Variants in DPP10 observed in about 807,000 individuals in gnomAD.
The protein encoded by DPP10 is dipeptidyl peptidase like 10.
A neutral mutation model predicts 120.9 loss-of-function variants in DPP10; 33 were observed. That is an observed-to-expected ratio of 0.27 (90% confidence interval 0.21 to 0.37). The LOEUF (loss-of-function observed/expected upper bound fraction) is 0.37, where lower values mean the gene tolerates loss of function less well. Among genes scored for constraint, DPP10 ranks in the 10% least tolerant of loss-of-function variants. DPP10 has a pLI of 1.00. For missense variants in DPP10, 816 were observed against 942.8 expected, an observed-to-expected ratio of 0.87 and a Z score of 1.76; for synonymous variants, 337 against 326.1, an observed-to-expected ratio of 1.03 and a Z score of -0.36.
chr2:115,204,708 C>T (rs2055998141), intron 1 of DPP10, among the ~76,000 whole-genome samples: 1 of 152,166 alleles, frequency 6.6e-6, no homozygotes, highest in African/African-American at 2.4e-5. Context: ...TTTCATCTGT[C>T]TGCCTGTTCT....
chr2:115,661,656 G>T (rs1158161106), intron 5 of DPP10, among the ~76,000 whole-genome samples: 2 of 152,170 alleles, frequency 1.3e-5, no homozygotes, highest in Non-Finnish European at 2.9e-5. Flanking sequence ...GCTTAGCCCT[G>T]ATCTGGGTTT....
chr2:115,191,372 AT>A (rs1334841290), intron 1 of DPP10, among the ~76,000 whole-genome samples: 4 of 152,222 alleles, frequency 2.6e-5, no homozygotes, highest in Admixed American at 6.5e-5. Context: ...CAGTTCACAG[AT>A]TTTTAGTCTG....
intron 5 of DPP10, among the ~76,000 whole-genome samples, chr2:115,607,723 A>G (rs1222061808): frequency 1.3e-5 from 2 of 152,144 alleles, no homozygotes; most frequent in Non-Finnish European, 2.9e-5. Context: ...ACCTATGCCT[A>G]CTACAGTACA....
chr2:115,239,816 T>C lies in DPP10; in HGVS notation c.61-69423T>C, dbSNP rs531467575. Among the ~76,000 whole-genome samples, 14 of 152,240 alleles carry C rather than the reference T, an allele frequency of 9.2e-5. No homozygotes were observed. The South Asian group carries it at 2.9e-3, about 32-fold the overall frequency. ...CCCTCCTTGTGTCCATGCGTTCTCATTGTTCAACTCCCACTAATGAGTGAG... is the reference window on the plus strand; with the variant it reads ...CCCTCCTTGTGTCCATGCGTTCTCACTGTTCAACTCCCACTAATGAGTGAG... On this transcript the variant is annotated intron_variant, in intron 1 of 25. Coordinates refer to ENST00000410059, the MANE Select transcript of DPP10 (RefSeq NM_020868.6).
chr2:114,671,716 A>G (rs1009222329), intron 1 of DPP10, among the ~76,000 whole-genome samples: 4 of 152,138 alleles, frequency 2.6e-5, no homozygotes, highest in Non-Finnish European at 4.4e-5. Flanking sequence ...GGATTTTGCC[A>G]GTAAACATAA....
chr2:114,720,707 A>G (rs574147101), intron 1 of DPP10, among the ~76,000 whole-genome samples: 85 of 152,326 alleles, frequency 5.6e-4, no homozygotes, highest in African/African-American at 1.8e-3. Flanking sequence ...GTGCTCACCC[A>G]TATCTGGTTC....
chr2:114,978,594 C>T (rs1307290225), intron 1 of DPP10, among the ~76,000 whole-genome samples: 1 of 152,070 alleles, frequency 6.6e-6, no homozygotes, highest in African/African-American at 2.4e-5. Context: ...AAATAACCAC[C>T]TTGTCTCTTT....
At chr2:114,685,312 C>T (rs1378501211) in intron 1 of DPP10, among the ~76,000 whole-genome samples, 1 of 150,706 alleles carries the variant, frequency 6.6e-6, no homozygotes, top group Non-Finnish European at 1.5e-5. Context: ...AGCTGTACCC[C>T]ATGCTGGGAT....
chr2:114,757,802 C>T (rs984782339), intron 1 of DPP10, among the ~76,000 whole-genome samples: 5 of 152,122 alleles, frequency 3.3e-5, no homozygotes, highest in Non-Finnish European at 7.3e-5. Flanking sequence ...AGCGTTTCCA[C>T]GTGTTTCCGA....
intron 1 of DPP10, among the ~76,000 whole-genome samples, chr2:114,919,781 T>G (rs1353393183): frequency 6.6e-6 from 1 of 152,204 alleles, no homozygotes; most frequent in Non-Finnish European, 1.5e-5. Context: ...TCATTTGATT[T>G]ATTGTGTAGT....
intron 1 of DPP10, among the ~76,000 whole-genome samples, chr2:115,124,758 C>T (rs534816961): frequency 1.3e-5 from 2 of 152,084 alleles, no homozygotes; most frequent in Non-Finnish European, 2.9e-5. Flanking sequence ...TGTTTGTTAA[C>T]CAAGGTATCA....
intron 1 of DPP10, among the ~76,000 whole-genome samples, chr2:115,133,588 G>A (rs1486230283): frequency 6.6e-6 from 1 of 152,086 alleles, no homozygotes; most frequent in Non-Finnish European, 1.5e-5. Flanking sequence ...ATTATATAAA[G>A]CTCATTTTGC....
chr2:115,326,272 C>A (rs2062359058), intron 2 of DPP10, among the ~76,000 whole-genome samples: 1 of 151,948 alleles, frequency 6.6e-6, no homozygotes, highest in African/African-American at 2.4e-5. Context: ...AGTTCTTATC[C>A]CCTAGTGACA....
intron 1 of DPP10, chr2:114,834,184 C>G (rs1212502194): frequency 2.0e-5 from 3 of 150,080 alleles, no homozygotes; most frequent in Non-Finnish European, 3.0e-5. Context: ...ATCTACACAC[C>G]TATGTATATA....
intron 1 of DPP10, among the ~76,000 whole-genome samples, chr2:114,695,638 A>C (rs894245413): frequency 5.9e-5 from 9 of 152,092 alleles, no homozygotes; most frequent in African/African-American, 1.7e-4. Flanking sequence ...TAGAAGAATA[A>C]AAAGGATCTT....
At chr2:114,740,450 A>G (rs1200100853) in intron 1 of DPP10, among the ~76,000 whole-genome samples, 2 of 150,774 alleles carry the variant, frequency 1.3e-5, no homozygotes, top group Admixed American at 6.6e-5. Context: ...TGGCACATGT[A>G]TACATATGTA....
chr2:114,515,217 C>T (rs1684494266), intron 1 of DPP10, among the ~76,000 whole-genome samples: 1 of 152,130 alleles, frequency 6.6e-6, no homozygotes, highest in African/African-American at 2.4e-5. Context: ...TGGGCATAAA[C>T]ATTGAGAATA....
chr2:115,440,513 G>A (rs750099640), intron 3 of DPP10, among the ~76,000 whole-genome samples: 17 of 152,216 alleles, frequency 1.1e-4, no homozygotes, highest in South Asian at 2.1e-4. Context: ...TAGTGAGAAC[G>A]CCACACTATG....
At chr2:114,445,111 T>C (rs574573522) in intron 1 of DPP10, among the ~76,000 whole-genome samples, 168 of 152,268 alleles carry the variant, frequency 1.1e-3, no homozygotes, top group African/African-American at 3.7e-3. Flanking sequence ...CTGTGGGACA[T>C]TGGAGCTCAA....
Sources: gnomAD v4.1 joint callset for allele counts (sites outside exome capture counted in the v4.1 genomes callset) on GRCh38, gnomAD v4.1.1 for gene constraint, MANE v1.5 for transcripts, NCBI Gene and HGNC (gene_info 2026-07-23, HGNC 2026-07-21) for gene names.